The following NEK6 variants were observed in gnomAD, a reference collection of about 807,000 sequenced individuals.
NEK6 encodes NIMA related kinase 6, also known as serine/threonine-protein kinase Nek6.
A neutral mutation model predicts 43.5 loss-of-function variants in NEK6; 27 were observed. That is an observed-to-expected ratio of 0.62 (90% CI 0.46 to 0.86). The LOEUF is 0.86. Among genes scored for constraint, NEK6 ranks in the 40% least tolerant of loss-of-function variants. The pLI is 0.00. For missense variants in NEK6, 318 were observed against 414.4 expected (o/e 0.77, Z 2.02); for synonymous variants, 167 against 164.1 (o/e 1.02, Z -0.14).
At chr9:124,308,080 A>G (rs1417310017) in intron 2 of NEK6, among the ~76,000 whole-genome samples, 1 of 151,840 alleles carries the variant, frequency 6.6e-6, no homozygotes, top group East Asian at 1.9e-4. Flanking sequence ...TATCCATTTA[A>G]CCCCCAGCAG....
intron 2 of NEK6, among the ~76,000 whole-genome samples, chr9:124,308,814 A>G (rs913586037): frequency 6.6e-6 from 1 of 152,192 alleles, no homozygotes; most frequent in Non-Finnish European, 1.5e-5. Context: ...CTAATCACCA[A>G]CATCATCTCC....
At chr9:124,339,509 C>T (rs1270362481) in intron 7 of NEK6, 62 bp from the exon 8 acceptor site, 18 of 1,227,892 alleles carry the variant, frequency 1.5e-5, no homozygotes, top group South Asian at 4.8e-5. Context: ...CCAACCTCAC[C>T]TCTGTGCCCT....
intron 4 of NEK6, among the ~76,000 whole-genome samples, chr9:124,319,223 A>G (rs1443720867): frequency 6.6e-6 from 1 of 151,446 alleles, no homozygotes; most frequent in African/African-American, 2.4e-5. Context: ...GATCTCAATG[A>G]TCCGCCCACC....
chr9:124,297,539 G>A (rs545290653), intron 1 of NEK6, among the ~76,000 whole-genome samples: 44 of 152,338 alleles, frequency 2.9e-4, no homozygotes, highest in Admixed American at 2.5e-3. Flanking sequence ...GCACACGGCA[G>A]CCTAAAGCCA....
At chr9:124,303,988 C>T (rs975791295) in intron 2 of NEK6, among the ~76,000 whole-genome samples, 33 of 152,260 alleles carry the variant, frequency 2.2e-4, no homozygotes, top group African/African-American at 7.2e-4. Flanking sequence ...GCGTTCACGA[C>T]GTCTCATCGT....
chr9:124,279,515 C>G (rs932792890), intron 1 of NEK6, among the ~76,000 whole-genome samples: 1 of 152,176 alleles, frequency 6.6e-6, no homozygotes, highest in Non-Finnish European at 1.5e-5. Context: ...GTTGGCCAGG[C>G]TGGTCTCGAA....
chr9:124,289,924 A>T (rs144597101), intron 1 of NEK6, among the ~76,000 whole-genome samples: 25 of 152,328 alleles, frequency 1.6e-4, no homozygotes, highest in Admixed American at 1.6e-3. Flanking sequence ...ACCAGACCAC[A>T]CACAGCACAG....
Position 124,257,953 on chromosome 9 carries a change from T to G in NEK6, c.-162T>G, listed in dbSNP as rs938233529. 16 of 974,566 alleles carry G rather than the reference T, an allele frequency of 1.6e-5. No homozygotes were observed. Among genetic ancestry groups the G allele is most frequent in the Non-Finnish European group, 1.9e-5 (16 of 825,762 alleles). 60.4% of individuals were successfully genotyped at this position (974,566 alleles called of 1,614,324 possible). The stretch of plus-strand genomic sequence containing the variant: ...CGGGCGCGCGGGCCCGCGCAGGCGG[T>G]GGCGGCGGCGGCGGAACCGAGCTGA... On this transcript the variant is annotated 5_prime_UTR_variant, in exon 1 of 10. Transcript: ENST00000320246.
At chr9:124,285,027 CCTTA>C (rs774010161) in intron 1 of NEK6, among the ~76,000 whole-genome samples, 3 of 152,160 alleles carry the variant, frequency 2.0e-5, no homozygotes, top group Non-Finnish European at 4.4e-5. Flanking sequence ...TGTGAGTATT[CCTTA>C]CTTTAGAGAG....
chr9:124,264,507 G>A (rs766060651), intron 1 of NEK6, among the ~76,000 whole-genome samples: 2 of 152,178 alleles, frequency 1.3e-5, no homozygotes, highest in African/African-American at 2.4e-5. Context: ...GACAAAAAAG[G>A]TAGTGTAAAA....
intron 1 of NEK6, among the ~76,000 whole-genome samples, chr9:124,298,362 GT>G (rs1832800626): frequency 6.6e-6 from 1 of 152,078 alleles, no homozygotes; most frequent in Non-Finnish European, 1.5e-5. Flanking sequence ...GAGGCTAACG[GT>G]GCCGCAGGTT....
intron 1 of NEK6, among the ~76,000 whole-genome samples, chr9:124,294,054 C>G (rs1832559919): frequency 6.6e-6 from 1 of 152,280 alleles, no homozygotes; most frequent in African/African-American, 2.4e-5. Context: ...CGGGACTTCC[C>G]CAAGGTCCCA....
chr9:124,314,119 T>C, intron 4 of NEK6, 134 bp downstream of exon 4: 1 of 762,662 alleles, frequency 1.3e-6, no homozygotes, highest in South Asian at 1.6e-5. Flanking sequence ...AGACGATAGC[T>C]TTCTAGGGGC....
Position 124,326,790 on chromosome 9 carries a change from G to A in NEK6, c.514+352G>A, listed in dbSNP as rs1295533109. Among the ~76,000 whole-genome samples the A allele has an allele frequency of 6.6e-6, 1 of 152,202 alleles. No homozygotes were observed. The highest frequency in any genetic ancestry group is 1.5e-5 in the Non-Finnish European group (1 of 68,024). On this transcript the variant is annotated intron_variant, in intron 6 of 9. Coordinates refer to ENST00000320246, the MANE Select transcript of NEK6 (RefSeq NM_014397.6). This position sits in a 1 kb window ranked among gnomAD's most constrained non-coding sequence, Gnocchi z 4.5. ...GCTGAGAAGGGGAGGCACCTGAGAG[G>A]GGTGTTTCCACAGTTGACATGATTC...
chr9:124,340,284 C>A (rs902096236), intron 8 of NEK6, among the ~76,000 whole-genome samples: 1 of 152,220 alleles, frequency 6.6e-6, no homozygotes, highest in Admixed American at 6.5e-5. Context: ...AAGCCCCCCA[C>A]CCATTTTGTC....
chr9:124,322,261 T>G (rs1353415842), intron 5 of NEK6, among the ~76,000 whole-genome samples: 1 of 151,916 alleles, frequency 6.6e-6, no homozygotes, highest in Admixed American at 6.6e-5. Flanking sequence ...AGAGATTGAG[T>G]GACTGTTCGA....
At chr9:124,258,227 G>A in intron 1 of NEK6, 142 bp downstream of exon 1, 3 of 980,916 alleles carry the variant, frequency 3.1e-6, no homozygotes, top group Non-Finnish European at 3.6e-6. Context: ...CGGGAGGCGG[G>A]CGCGAGTGTG....
chr9:124,302,552 GC>G (rs1833038229), intron 2 of NEK6, among the ~76,000 whole-genome samples: 1 of 152,244 alleles, frequency 6.6e-6, no homozygotes, highest in Non-Finnish European at 1.5e-5. Context: ...CTTAACGCCT[GC>G]CTCTCGCTCT....
At chr9:124,311,110 G>A (rs1833505361) in intron 2 of NEK6, among the ~76,000 whole-genome samples, 1 of 152,148 alleles carries the variant, frequency 6.6e-6, no homozygotes. Flanking sequence ...CAGCTGGTCC[G>A]GCCAGCAGTT....
Sources: gnomAD v4.1 joint callset for allele counts (sites outside exome capture counted in the v4.1 genomes callset) on GRCh38, gnomAD v4.1.1 for gene constraint, Gnocchi (gnomAD v3.1) non-coding constraint, MANE v1.5 for transcripts, NCBI Gene and HGNC (gene_info 2026-07-23, HGNC 2026-07-21) for gene names.